The following PDE1C variants were observed in gnomAD, a reference collection of about 807,000 sequenced individuals.
PDE1C encodes dual specificity calcium/calmodulin-dependent 3',5'-cyclic nucleotide phosphodiesterase 1C.
A neutral mutation model predicts 93.1 loss-of-function variants in PDE1C; 62 were observed. The ratio of observed to expected loss-of-function variants is 0.67; its 90% CI spans 0.54 to 0.82. PDE1C has a LOEUF of 0.82. Ranked by LOEUF, PDE1C falls within the 40% of genes least tolerant of loss-of-function variation. The probability of loss-of-function intolerance (pLI) is 0.00; values close to 1 mark genes in which losing one functional copy is unlikely to be tolerated. For synonymous variants in PDE1C, 325 were observed against 310.1 expected (o/e 1.05, Z -0.50); for missense variants, 742 against 884.6 (o/e 0.84, Z 2.04).
chr7:32,082,850 T>G (rs1442840927), intron 3 of PDE1C, among the ~76,000 whole-genome samples: 4 of 151,936 alleles, frequency 2.6e-5, no homozygotes, highest in Non-Finnish European at 5.9e-5. Context: ...AAAACCCATC[T>G]GTACATCACC....
chr7:32,275,787 C>T (rs1261016796), intron 1 of PDE1C, among the ~76,000 whole-genome samples: 1 of 152,162 alleles, frequency 6.6e-6, no homozygotes, highest in East Asian at 1.9e-4. Context: ...TATGCACACA[C>T]TCCCAAACCC....
At chr7:31,954,979 C>G (rs2129019627) in intron 2 of PDE1C, among the ~76,000 whole-genome samples, 1 of 152,292 alleles carries the variant, frequency 6.6e-6, no homozygotes, top group South Asian at 2.1e-4. Flanking sequence ...TAACATTTTA[C>G]CTCTGCTTTG....
intron 1 of PDE1C, among the ~76,000 whole-genome samples, chr7:32,374,417 G>C (rs1176435576): frequency 2.6e-5 from 4 of 152,228 alleles, no homozygotes; most frequent in Admixed American, 2.0e-4. Flanking sequence ...TCCAGGGCTA[G>C]AGAAAAGGCA....
At chr7:32,083,271 T>C (rs1796834119) in intron 3 of PDE1C, among the ~76,000 whole-genome samples, 1 of 150,404 alleles carries the variant, frequency 6.6e-6, no homozygotes, top group Non-Finnish European at 1.5e-5. Flanking sequence ...ATGAAATGAA[T>C]GAAATGAAGT....
chr7:31,634,141 TCTC>T, the PDE1C span, among the ~76,000 whole-genome samples: 5 of 152,266 alleles, frequency 3.3e-5, no homozygotes, highest in Admixed American at 2.0e-4. Flanking sequence ...GAGGCGTCTG[TCTC>T]CTCCTAGGCA....
rs577186318 is a variant in PDE1C at position 32,290,903 on chromosome 7, AAAC to A, written c.85+7745_85+7747del. 3.6e-3 allele frequency among the ~76,000 whole-genome samples: 555 copies of A among 152,370 alleles called. 4 individuals carry two copies. Among genetic ancestry groups the A allele is most frequent in the African/African-American group, 0.013 (531 of 41,588 alleles). ...GACAAAGTCATCCTTACAGTTTTTCAAACAACAGTATATATGGTGATTTGATCA... is the reference window on the plus strand; with the variant it reads ...GACAAAGTCATCCTTACAGTTTTTCAAACAGTATATATGGTGATTTGATCA... On this transcript the variant is annotated intron_variant, in intron 1 of 18. Coordinates refer to the PDE1C transcript ENST00000396193.
In PDE1C at chr7:31,842,115, C is replaced by G. The variant is rs61082241; in HGVS notation, c.981-4144G>C. ...AATAATGCTTGACCAAATATCAGCA[C>G]ACACTGAGGCCCAGGCGAGTTGATA... On this transcript the variant is annotated intron_variant, in intron 9 of 17. Coordinates refer to ENST00000396191, the MANE Select transcript of PDE1C (RefSeq NM_001191057.4). 2.0e-5 allele frequency among the ~76,000 whole-genome samples: 3 copies of G among 152,142 alleles called. No homozygotes were observed. The East Asian group carries it at 5.8e-4, about 29-fold the overall frequency.
At chr7:31,639,538 GTT>G in the PDE1C span, among the ~76,000 whole-genome samples, 11 of 142,524 alleles carry the variant, frequency 7.7e-5, no homozygotes, top group African/African-American at 1.0e-4. Context: ...GTTTGTTTTT[GTT>G]TTTTTTTTTT....
At chr7:32,170,920 C>T (rs1198977485) in intron 2 of PDE1C, among the ~76,000 whole-genome samples, 2 of 152,186 alleles carry the variant, frequency 1.3e-5, no homozygotes, top group Non-Finnish European at 2.9e-5. Flanking sequence ...CACCCCAGGG[C>T]CTGGTACCAG....
chr7:31,906,674 G>A (rs756573775), intron 2 of PDE1C, among the ~76,000 whole-genome samples: 27 of 152,250 alleles, frequency 1.8e-4, no homozygotes, highest in Middle Eastern at 6.8e-3. Context: ...AGCAGTGAGC[G>A]AATAAAAGAA....
At chr7:31,709,160 T>C in the PDE1C span, among the ~76,000 whole-genome samples, 1 of 152,202 alleles carries the variant, frequency 6.6e-6, no homozygotes, top group African/African-American at 2.4e-5. Context: ...TCTGCAGAGA[T>C]GCTCGATAAC....
the PDE1C span, chr7:31,695,673 G>A: frequency 1.9e-6 from 3 of 1,541,220 alleles, no homozygotes; most frequent in Non-Finnish European, 2.6e-6. Context: ...CTTGCCACTA[G>A]GTTGCATTGT....
intron 2 of PDE1C, among the ~76,000 whole-genome samples, chr7:31,926,410 T>A (rs1219232089): frequency 6.6e-6 from 1 of 152,182 alleles, no homozygotes; most frequent in Admixed American, 6.5e-5. Context: ...TATAAGTGCA[T>A]TAAATATGTG....
intron 2 of PDE1C, among the ~76,000 whole-genome samples, chr7:31,929,278 A>T (rs1803862370): frequency 6.6e-6 from 1 of 152,168 alleles, no homozygotes; most frequent in Non-Finnish European, 1.5e-5. Context: ...GAGCTCCCAG[A>T]TTCATAAAGC....
At chr7:31,659,294 A>G in the PDE1C span, among the ~76,000 whole-genome samples, 2 of 152,216 alleles carry the variant, frequency 1.3e-5, no homozygotes, top group Admixed American at 1.3e-4. Flanking sequence ...ATTTTGTGTT[A>G]CATGCTGTGC....
chr7:31,617,267 C>A, the PDE1C span, among the ~76,000 whole-genome samples: 37 of 1,586 alleles, frequency 0.023, no homozygotes, highest in Admixed American at 0.14. Flanking sequence ...AACAATTTAA[C>A]TTTGCAAAGG....
At chr7:31,853,613 A>G (rs1304676121) in intron 7 of PDE1C, among the ~76,000 whole-genome samples, 3 of 152,214 alleles carry the variant, frequency 2.0e-5, no homozygotes, top group Non-Finnish European at 4.4e-5. Context: ...TTCACACGCA[A>G]GAGAGTCATG....
chr7:31,620,657 G>A, the PDE1C span, among the ~76,000 whole-genome samples: 1 of 150,196 alleles, frequency 6.7e-6, no homozygotes, highest in Non-Finnish European at 1.5e-5. Flanking sequence ...ACAAAGATGG[G>A]GAAAAAACAG....
intron 1 of PDE1C, among the ~76,000 whole-genome samples, chr7:32,316,920 A>G (rs1484873690): frequency 6.6e-6 from 1 of 152,234 alleles, no homozygotes; most frequent in Non-Finnish European, 1.5e-5. Flanking sequence ...TGTGAGAATG[A>G]GAGGCAATTT....
Sources: allele counts gnomAD v4.1 joint callset (sites outside exome capture counted in the v4.1 genomes callset), GRCh38; gene constraint gnomAD v4.1.1; transcripts MANE v1.5; gene names NCBI Gene and HGNC (gene_info 2026-07-23, HGNC 2026-07-21).